The following TMEFF1 variants were observed in gnomAD, a reference collection of about 807,000 sequenced individuals.
The protein encoded by TMEFF1 is transmembrane protein with EGF like and two follistatin like domains 1, also known as tomoregulin-1.
In TMEFF1, 20 loss-of-function variants were observed where a neutral mutation model predicts 47.5. The ratio of observed to expected loss-of-function variants is 0.42; its 90% confidence interval spans 0.30 to 0.61. The LOEUF is 0.61. Ranked by LOEUF, TMEFF1 falls within the 20% of genes least tolerant of loss-of-function variation. TMEFF1 has a pLI of 0.19. For synonymous variants in TMEFF1, 162 were observed against 166.3 expected (o/e 0.97, Z 0.20); for missense variants, 411 against 471.1 (o/e 0.87, Z 1.18).
intron 3 of TMEFF1, 74 bp downstream of exon 3, chr9:100,509,208 G>A: frequency 1.4e-6 from 2 of 1,410,228 alleles, no homozygotes; most frequent in Non-Finnish European, 1.9e-6. Flanking sequence ...TTTTGAGTCA[G>A]AGGTATATTT....
intron 5 of TMEFF1, among the ~76,000 whole-genome samples, chr9:100,539,112 G>C (rs931540112): frequency 1.3e-5 from 2 of 152,134 alleles, no homozygotes; most frequent in Non-Finnish European, 2.9e-5. Flanking sequence ...CGCCATGTTG[G>C]CCAGGCTGGT....
In TMEFF1 at chr9:100,525,414, T is replaced by C. The variant is rs560574105; in HGVS notation, c.560+8643T>C. 8.5e-5 allele frequency among the ~76,000 whole-genome samples: 13 copies of C among 152,156 alleles called. No individual in the cohort carries two copies. In the South Asian group the frequency reaches 2.7e-3, roughly 32 times the overall value. On this transcript the variant is annotated intron_variant, in intron 5 of 9. Coordinates refer to ENST00000374879, the MANE Select transcript of TMEFF1 (RefSeq NM_003692.5). Reference sequence around the variant, plus strand: ...TAAAACACAGAACTTGGGAAAGCACTATACTTATTATTTGTAAAGGATACA... The same window carrying C: ...TAAAACACAGAACTTGGGAAAGCACCATACTTATTATTTGTAAAGGATACA...
chr9:100,486,494 G>A (rs1837452221), intron 1 of TMEFF1, among the ~76,000 whole-genome samples: 1 of 152,040 alleles, frequency 6.6e-6, no homozygotes, highest in Non-Finnish European at 1.5e-5. Flanking sequence ...GGTCCGCCTC[G>A]GGCTCCCAAC....
At chr9:100,519,894 G>T (rs1838134480) in intron 5 of TMEFF1, among the ~76,000 whole-genome samples, 7 of 151,776 alleles carry the variant, frequency 4.6e-5, no homozygotes, top group Admixed American at 4.6e-4. Flanking sequence ...TTGTTATCCA[G>T]CACTCCTGTT....
intron 7 of TMEFF1, among the ~76,000 whole-genome samples, chr9:100,560,241 G>A (rs1838989202): frequency 6.6e-6 from 1 of 152,076 alleles, no homozygotes; most frequent in Non-Finnish European, 1.5e-5. Context: ...ACATGCATTT[G>A]TTATCTCCTT....
chr9:100,527,758 C>G (rs1170520746), intron 5 of TMEFF1, among the ~76,000 whole-genome samples: 1 of 152,232 alleles, frequency 6.6e-6, no homozygotes, highest in Non-Finnish European at 1.5e-5. Flanking sequence ...GGAGGCCTGC[C>G]TGCCTCTGTA....
At chr9:100,540,815 A>G (rs939963352) in intron 5 of TMEFF1, among the ~76,000 whole-genome samples, 2 of 152,082 alleles carry the variant, frequency 1.3e-5, no homozygotes, top group African/African-American at 4.8e-5. Flanking sequence ...AAGTTTTCTG[A>G]TTCTTAATGA....
intron 2 of TMEFF1, among the ~76,000 whole-genome samples, chr9:100,499,377 G>A (rs905458101): frequency 6.6e-6 from 1 of 152,130 alleles, no homozygotes; most frequent in Non-Finnish European, 1.5e-5. Context: ...CTTTTCAGAT[G>A]CTCTTTTAGT....
intron 7 of TMEFF1, among the ~76,000 whole-genome samples, chr9:100,552,341 A>C (rs533074219): frequency 5.7e-4 from 87 of 152,352 alleles, no homozygotes; most frequent in Non-Finnish European, 4.0e-4. Flanking sequence ...TAGACATCTT[A>C]GATATGAGAG....
intron 8 of TMEFF1, among the ~76,000 whole-genome samples, chr9:100,569,420 A>T (rs1385677396): frequency 6.6e-6 from 1 of 151,970 alleles, no homozygotes; most frequent in East Asian, 1.9e-4. Context: ...TTAGTTATTT[A>T]TATATTCTAG....
At chr9:100,542,142 T>G in intron 5 of TMEFF1, among the ~76,000 whole-genome samples, 1 of 152,144 alleles carries the variant, frequency 6.6e-6, no homozygotes, top group East Asian at 1.9e-4. Flanking sequence ...TCTAGTAGTT[T>G]TGAAGTTATG....
chr9:100,511,928 T>C (rs1391219665), intron 3 of TMEFF1, among the ~76,000 whole-genome samples: 1 of 152,230 alleles, frequency 6.6e-6, no homozygotes, highest in Admixed American at 6.5e-5. Context: ...GTATTTAATT[T>C]ATTTAAGGAT....
chr9:100,511,282 T>G (rs1430201689), intron 3 of TMEFF1, among the ~76,000 whole-genome samples: 1 of 152,170 alleles, frequency 6.6e-6, no homozygotes, highest in Non-Finnish European at 1.5e-5. Flanking sequence ...AGACAGCAAG[T>G]GTTAACACCT....
intron 5 of TMEFF1, among the ~76,000 whole-genome samples, chr9:100,543,446 ATTAC>A (rs1838670887): frequency 6.7e-6 from 1 of 150,332 alleles, no homozygotes. Context: ...ATGGTGTTCT[ATTAC>A]TTAGTTGTGG....
At chr9:100,487,325 G>A (rs1837468053) in intron 1 of TMEFF1, among the ~76,000 whole-genome samples, 1 of 151,922 alleles carries the variant, frequency 6.6e-6, no homozygotes, top group Non-Finnish European at 1.5e-5. Context: ...CACCATACCT[G>A]GCTAATTTTC....
intron 1 of TMEFF1, among the ~76,000 whole-genome samples, chr9:100,490,836 GGTGTGTGTGTGTGTGTGT>G (rs10654628): frequency 7.3e-6 from 1 of 136,084 alleles, no homozygotes; most frequent in Admixed American, 7.4e-5. Flanking sequence ...TTATATGTAT[GGTGTGTGTGTGTGTGTGT>G]GTGTGTGTGT....
At chr9:100,557,979 C>T (rs1301061070) in intron 7 of TMEFF1, among the ~76,000 whole-genome samples, 1 of 152,094 alleles carries the variant, frequency 6.6e-6, no homozygotes, top group African/African-American at 2.4e-5. Context: ...GATTCAAAGC[C>T]TTATTAGACA....
intron 4 of TMEFF1, among the ~76,000 whole-genome samples, chr9:100,515,446 C>G (rs926384518): frequency 3.3e-5 from 5 of 152,098 alleles, no homozygotes. Flanking sequence ...CATTACCAAA[C>G]AGGCATGGCA....
At chr9:100,515,970 T>G (rs918325012) in intron 4 of TMEFF1, among the ~76,000 whole-genome samples, 64 of 152,072 alleles carry the variant, frequency 4.2e-4, no homozygotes, top group African/African-American at 1.5e-3. Context: ...ACCCACAAAG[T>G]GTAAGGCCCT....
Sources: allele counts gnomAD v4.1 joint callset (sites outside exome capture counted in the v4.1 genomes callset), GRCh38; gene constraint gnomAD v4.1.1; transcripts MANE v1.5; gene names NCBI Gene and HGNC (gene_info 2026-07-23, HGNC 2026-07-21).